Variants in DLG2 observed in about 807,000 individuals in gnomAD.
DLG2 encodes disks large homolog 2.
Under a neutral mutation model 132.5 loss-of-function variants are expected in DLG2, and 45 were observed. The ratio of observed to expected loss-of-function variants is 0.34; its 90% CI spans 0.27 to 0.44. The LOEUF (loss-of-function observed/expected upper bound fraction) is 0.44. DLG2 is among the 20% of genes least tolerant of loss of function. The probability of loss-of-function intolerance (pLI) is 1.00; values close to 1 mark genes in which losing one functional copy is unlikely to be tolerated. For synonymous variants in DLG2, 424 were observed against 419.6 expected (o/e 1.01, Z -0.13); for missense variants, 1,045 against 1,196.9 (o/e 0.87, Z 1.87).
At chr11:85,351,718 T>C (rs1321330328) in intron 3 of DLG2, among the ~76,000 whole-genome samples, 2 of 152,224 alleles carry the variant, frequency 1.3e-5, no homozygotes, top group African/African-American at 4.8e-5. Flanking sequence ...TATTTACTGA[T>C]TTGTGCATGT....
intron 9 of DLG2, among the ~76,000 whole-genome samples, chr11:84,106,868 T>TGTGAGAGA (rs112133411): frequency 5.8e-5 from 8 of 137,538 alleles, no homozygotes; most frequent in African/African-American, 1.4e-4. Context: ...TGTGTATGTG[T>TGTGAGAGA]GAGAGAGAGA....
intron 6 of DLG2, among the ~76,000 whole-genome samples, chr11:84,841,580 G>A (rs1056019634): frequency 2.0e-5 from 3 of 151,792 alleles, no homozygotes; most frequent in Non-Finnish European, 4.4e-5. Flanking sequence ...ACAGTACCTG[G>A]TAGATGGTAG....
chr11:85,021,236 C>T lies in DLG2; in HGVS notation c.357+90425G>A, dbSNP rs2060037940. The T allele has an allele frequency of 8.6e-6, 11 of 1,279,264 alleles. No homozygotes were observed. The South Asian group carries it at 1.2e-4, about 14-fold the overall frequency. 79.2% of individuals were successfully genotyped at this position (1,279,264 alleles called of 1,614,324 possible). A position where few individuals can be genotyped will look rare whatever the true frequency, so the allele number is the denominator to read the frequency against. ...CACTGACGTTTCGAGGGCACTACAG[C>T]CCGAGCAATAGGAGGAGGAGGAGGA... is the stretch of plus-strand genomic sequence containing the variant. On this transcript the variant is annotated intron_variant, in intron 6 of 27. Coordinates refer to ENST00000376104, the MANE Select transcript of DLG2 (RefSeq NM_001142699.3).
intron 7 of DLG2, among the ~76,000 whole-genome samples, chr11:84,332,486 A>G (rs1391340537): frequency 1.2e-4 from 18 of 144,358 alleles, no homozygotes; most frequent in African/African-American, 4.7e-4. Flanking sequence ...CTGGGATTAC[A>G]GGTGTGAGCC....
intron 6 of DLG2, among the ~76,000 whole-genome samples, chr11:84,709,310 G>C (rs1031605452): frequency 5.9e-5 from 9 of 151,406 alleles, no homozygotes; most frequent in African/African-American, 9.8e-5. Flanking sequence ...TGAGTCTTGG[G>C]TATGAACATG....
intron 6 of DLG2, among the ~76,000 whole-genome samples, chr11:84,921,407 C>A (rs1004768690): frequency 5.9e-5 from 9 of 152,008 alleles, no homozygotes; most frequent in Non-Finnish European, 1.2e-4. Context: ...TACAGATTAG[C>A]CAAAGTACTA....
At position 84,548,891 on chromosome 11, in the gene DLG2, A is replaced by T. The variant is rs570526358; in HGVS notation, c.358-14160T>A. On this transcript the variant is annotated intron_variant, in intron 6 of 27. Coordinates refer to ENST00000376104, the MANE Select transcript of DLG2 (RefSeq NM_001142699.3). ...GGAAGAGGTCTGGAAGAATATACTA[A>T]TATGTTGACCATGGTTATTTCTGGA... is the stretch of plus-strand genomic sequence containing the variant. 2.0e-5 allele frequency among the ~76,000 whole-genome samples: 3 copies of T among 152,288 alleles called. No individual in the cohort carries two copies. The South Asian group carries it at 6.2e-4, about 32-fold the overall frequency.
chr11:84,386,324 C>T (rs1487495386), intron 7 of DLG2, among the ~76,000 whole-genome samples: 1 of 152,026 alleles, frequency 6.6e-6, no homozygotes, highest in Non-Finnish European at 1.5e-5. Context: ...ACACTACTCT[C>T]CTACTATATC....
At chr11:84,554,907 G>A (rs541798849) in intron 6 of DLG2, among the ~76,000 whole-genome samples, 84 of 152,276 alleles carry the variant, frequency 5.5e-4, no homozygotes, top group African/African-American at 2.0e-3. Context: ...CATGTGAAGA[G>A]GTGGGTAAGC....
At chr11:83,668,537 G>A (rs1412267165) in intron 18 of DLG2, among the ~76,000 whole-genome samples, 1 of 151,840 alleles carries the variant, frequency 6.6e-6, no homozygotes, top group Non-Finnish European at 1.5e-5. Context: ...GGTTACCTCT[G>A]TACTTTTTTA....
intron 18 of DLG2, among the ~76,000 whole-genome samples, chr11:83,685,063 T>C (rs2079500771): frequency 6.6e-6 from 1 of 152,180 alleles, no homozygotes; most frequent in Non-Finnish European, 1.5e-5. Context: ...TACAAAACTT[T>C]ATGCATATCT....
intron 3 of DLG2, among the ~76,000 whole-genome samples, chr11:85,545,671 T>G (rs2076268403): frequency 6.6e-6 from 1 of 152,170 alleles, no homozygotes; most frequent in Non-Finnish European, 1.5e-5. Flanking sequence ...TCAGAACTTG[T>G]TATTGGTCTA....
chr11:84,492,029 T>C (rs2099166539), intron 7 of DLG2, among the ~76,000 whole-genome samples: 1 of 152,204 alleles, frequency 6.6e-6, no homozygotes, highest in Admixed American at 6.5e-5. Flanking sequence ...TAAAAAGACA[T>C]TTTAAGTAAA....
chr11:83,934,271 C>T (rs370423901), intron 14 of DLG2, among the ~76,000 whole-genome samples: 2 of 152,144 alleles, frequency 1.3e-5, no homozygotes, highest in East Asian at 3.9e-4. Context: ...CTATGCCTCC[C>T]AAAGCCAACA....
At chr11:84,175,767 T>C (rs1259837644) in intron 8 of DLG2, among the ~76,000 whole-genome samples, 1 of 152,076 alleles carries the variant, frequency 6.6e-6, no homozygotes, top group Non-Finnish European at 1.5e-5. Flanking sequence ...GTTCTGTGAT[T>C]TTGGAAAAAT....
intron 6 of DLG2, among the ~76,000 whole-genome samples, chr11:84,828,695 T>C (rs976825432): frequency 8.6e-5 from 13 of 151,736 alleles, no homozygotes; most frequent in Admixed American, 7.2e-4. Flanking sequence ...TAAGGCACAA[T>C]AGAATCACCT....
At chr11:84,419,456 C>A (rs2098941079) in intron 7 of DLG2, among the ~76,000 whole-genome samples, 1 of 152,138 alleles carries the variant, frequency 6.6e-6, no homozygotes, top group Non-Finnish European at 1.5e-5. Context: ...TCTATTTATT[C>A]TGGACATCAT....
chr11:84,133,177 T>C (rs928741164), intron 9 of DLG2, among the ~76,000 whole-genome samples: 2 of 152,182 alleles, frequency 1.3e-5, no homozygotes, highest in Middle Eastern at 3.4e-3. Flanking sequence ...TCTTCTGAGA[T>C]AGCAATAATA....
intron 8 of DLG2, among the ~76,000 whole-genome samples, chr11:84,239,906 GTGTGGTAGAAACCGC>G (rs1227640454): frequency 1.3e-5 from 2 of 152,184 alleles, no homozygotes; most frequent in African/African-American, 4.8e-5. Flanking sequence ...CTAACATGTT[GTGTGGTAGAAACCGC>G]TGCTTCTCCC....
Sources: allele counts gnomAD v4.1 joint callset (sites outside exome capture counted in the v4.1 genomes callset), GRCh38; gene constraint gnomAD v4.1.1; transcripts MANE v1.5; gene names NCBI Gene and HGNC (gene_info 2026-07-23, HGNC 2026-07-21).